Variants in OPTC observed in about 807,000 individuals in gnomAD.
The protein encoded by OPTC is oculoglycan.
In OPTC, 22 loss-of-function variants were observed where a neutral mutation model predicts 25.4. That is an observed-to-expected ratio of 0.87 (90% CI 0.62 to 1.24). The LOEUF (loss-of-function observed/expected upper bound fraction) is 1.24. Among genes scored for constraint, OPTC ranks in the 50% most tolerant of loss-of-function variants. The pLI is 0.00. For missense variants in OPTC, 417 were observed against 425.2 expected (o/e 0.98, Z 0.17); for synonymous variants, 169 against 179.3 (o/e 0.94, Z 0.46).
At chr1:203,502,618 G>A (rs1661408571) in intron 5 of OPTC, among the ~76,000 whole-genome samples, 1 of 152,152 alleles carries the variant, frequency 6.6e-6, no homozygotes, top group Admixed American at 6.5e-5. Context: ...CCCTGTCCCT[G>A]CCCCTCCCCT....
At position 203,499,712 on chromosome 1, in the gene OPTC, G is replaced by T. The variant is rs145920517; in HGVS notation, c.593G>T (p.Arg198Leu). 7.4e-6 allele frequency: 12 copies of T among 1,613,268 alleles called. No homozygotes were observed. The highest frequency in any genetic ancestry group is 1.1e-5 in the South Asian group (1 of 91,072). ...LISSIDNDAF[R>L]LLHALQDLIL... ...TCCTCCATCGATAATGATGCCTTCC[G>T]CCTGCTACATGCCCTCCAGGACCTC... The change falls in exon 5 of 8, where the codon CGC becomes CTC. Residue 198 changes from arginine to leucine, a missense_variant. Coordinates refer to ENST00000367222, the MANE Select transcript of OPTC (RefSeq NM_014359.4).
chr1:203,504,807 G>T (rs1661451016), intron 7 of OPTC, among the ~76,000 whole-genome samples: 1 of 152,228 alleles, frequency 6.6e-6, no homozygotes, highest in African/African-American at 2.4e-5. Flanking sequence ...CTGGTTCCTG[G>T]CTACTGGGGT....
At position 203,503,671 on chromosome 1, in the gene OPTC, C is replaced by A; in HGVS notation, c.950C>A (p.Pro317His). 1 of 1,612,632 alleles carries A rather than the reference C, an allele frequency of 6.2e-7. No homozygotes were observed. The highest frequency in any genetic ancestry group is 8.5e-7 in the Non-Finnish European group (1 of 1,180,028). ...AACCCCATCAACCTCAGCCTCTTCC[C>A]CAGCGCCTACTTCTGCCTGCCTCGG... ...DGNPINLSLF[P>H]SAYFCLPRLP... The change falls in exon 7 of 8, where the codon CCC (proline) becomes CAC (histidine). Residue 317 changes from proline to histidine, a missense_variant. Transcript: ENST00000367222.
intron 7 of OPTC, among the ~76,000 whole-genome samples, chr1:203,507,972 C>T (rs1335002278): frequency 6.6e-6 from 1 of 152,246 alleles, no homozygotes; most frequent in Non-Finnish European, 1.5e-5. Context: ...GTTTGCACTT[C>T]AGCAAGCTCT....
In OPTC at chr1:203,503,700, C is replaced by T; in HGVS notation, c.979C>T (p.Pro327Ser). ...CGCCTACTTCTGCCTGCCTCGGCTC[C>T]CCATCGGCCGCTTCACGTAGCTCGG... is the stretch of plus-strand genomic sequence containing the variant. ...PSAYFCLPRL[P>S]IGRFT The change falls in exon 7 of 8, where the codon CCC becomes TCC. Residue 327 changes from proline to serine, a missense_variant. By Grantham distance (74) the Pro-to-Ser change is moderately conservative (BLOSUM62 -1). Transcript: ENST00000367222. 6.2e-7 allele frequency: 1 copy of T among 1,609,054 alleles called. No individual in the cohort carries two copies. Among genetic ancestry groups the T allele is most frequent in the Non-Finnish European group, 8.5e-7 (1 of 1,180,016 alleles).
At chr1:203,505,831 T>A (rs1372743941) in intron 7 of OPTC, among the ~76,000 whole-genome samples, 1 of 152,196 alleles carries the variant, frequency 6.6e-6, no homozygotes, top group Non-Finnish European at 1.5e-5. Context: ...CAAGGGCCCC[T>A]TGACTTTCAG....
chr1:203,497,218 C>T, intron 3 of OPTC, 103 bp downstream of exon 3: 1 of 1,266,950 alleles, frequency 7.9e-7, no homozygotes, highest in Non-Finnish European at 1.1e-6. Flanking sequence ...GGGGTTGGGG[C>T]ATGGAGGGTC....
At chr1:203,494,382 T>C (rs1661245245) in intron 1 of OPTC, among the ~76,000 whole-genome samples, 165 bp downstream of exon 1, 1 of 152,210 alleles carries the variant, frequency 6.6e-6, no homozygotes, top group Admixed American at 6.5e-5. Context: ...GAAAAATTTT[T>C]TTTGAGATTA....
intron 4 of OPTC, among the ~76,000 whole-genome samples, chr1:203,499,178 T>C (rs1373431084): frequency 6.6e-6 from 1 of 152,136 alleles, no homozygotes; most frequent in African/African-American, 2.4e-5. Flanking sequence ...CTACTCTCCA[T>C]GGCACTGATG....
At chr1:203,498,594 C>T (rs1489635858) in intron 3 of OPTC, 87 bp from the exon 4 acceptor site, 1 of 1,533,568 alleles carries the variant, frequency 6.5e-7, no homozygotes, top group Non-Finnish European at 9.0e-7. Flanking sequence ...GCACAGATGG[C>T]CATGGTTCAG....
At position 203,506,145 on chromosome 1, in the gene OPTC, C is replaced by CTT. The variant is rs78639556; in HGVS notation, c.*25+2405_*25+2406dup. ...ATCCTGGATTGAGGAATCCAATTTT[C>CTT]TTTTTTCTTTTTTTTTTTTTTTTGA... On this transcript the variant is annotated intron_variant, in intron 7 of 7. Coordinates refer to ENST00000367222, the MANE Select transcript of OPTC (RefSeq NM_014359.4). 2.0e-3 allele frequency among the ~76,000 whole-genome samples: 183 copies of CTT among 89,460 alleles called. 4 individuals carry two copies. The highest frequency in any genetic ancestry group is 2.6e-3 in the East Asian group (9 of 3,448). The allele number at this position is 89,460 out of a possible 152,430, so 58.7% of individuals were successfully genotyped here.
intron 4 of OPTC, 65 bp downstream of exon 4, chr1:203,498,904 A>T: frequency 6.4e-7 from 1 of 1,568,518 alleles, no homozygotes. Flanking sequence ...CCACTAGGAC[A>T]GTCACCAACA....
At chr1:203,500,176 A>T (rs1426940902) in intron 5 of OPTC, among the ~76,000 whole-genome samples, 1 of 34 alleles carries the variant, frequency 0.029, no homozygotes, top group Non-Finnish European at 0.083. Flanking sequence ...CACCTCCACC[A>T]CCACCACCAC....
At chr1:203,496,865 C>T in intron 2 of OPTC, 112 bp from the exon 3 acceptor site, 6 of 1,144,492 alleles carry the variant, frequency 5.2e-6, no homozygotes, top group Non-Finnish European at 7.9e-6. Context: ...TCCTCCTCCT[C>T]CACAGTGACT....
chr1:203,496,459 C>T (rs1661281711), intron 2 of OPTC, among the ~76,000 whole-genome samples: 1 of 152,214 alleles, frequency 6.6e-6, no homozygotes, highest in Non-Finnish European at 1.5e-5. Flanking sequence ...TTGCCTCCCC[C>T]TGCCAAAGCT....
intron 7 of OPTC, among the ~76,000 whole-genome samples, 162 bp downstream of exon 7, chr1:203,503,907 C>G (rs1399663746): frequency 6.6e-6 from 1 of 152,210 alleles, no homozygotes; most frequent in African/African-American, 2.4e-5. Context: ...CACTCATGTA[C>G]TGAAATGTTT....
chr1:203,499,577 A>G lies in OPTC; in HGVS notation c.530-72A>G. 6.1e-6 allele frequency: 8 copies of G among 1,303,040 alleles called. 1 individual carries two copies. In the South Asian group the frequency reaches 7.1e-5, roughly 12 times the overall value. 80.7% of individuals were successfully genotyped at this position (1,303,040 alleles called of 1,614,324 possible). On this transcript the variant is annotated intron_variant, in intron 4 of 7. Transcript: ENST00000367222. ...GAGAGGGATGGAGCAAGGTGTGGAG[A>G]CAGCTCCAACCTGGACAAGGAAAGA... is the stretch of plus-strand genomic sequence containing the variant.
At chr1:203,495,189 T>C (rs1661257682) in intron 1 of OPTC, among the ~76,000 whole-genome samples, 1 of 152,100 alleles carries the variant, frequency 6.6e-6, no homozygotes, top group African/African-American at 2.4e-5. Context: ...TAAATGTTTG[T>C]TGAGCAAATG....
At chr1:203,507,949 A>G (rs1178251654) in intron 7 of OPTC, among the ~76,000 whole-genome samples, 1 of 152,152 alleles carries the variant, frequency 6.6e-6, no homozygotes, top group Non-Finnish European at 1.5e-5. Flanking sequence ...AATCTCTTAC[A>G]TTTCTGCTGT....
Sources: allele counts gnomAD v4.1 joint callset (sites outside exome capture counted in the v4.1 genomes callset), GRCh38; gene constraint gnomAD v4.1.1; transcripts MANE v1.5; gene names NCBI Gene and HGNC (gene_info 2026-07-23, HGNC 2026-07-21).